The following CDH4 variants were observed in gnomAD, a reference collection of about 807,000 sequenced individuals.
CDH4 encodes cadherin-4.
In CDH4, 33 loss-of-function variants were observed where a neutral mutation model predicts 86.0. The ratio of observed to expected loss-of-function variants is 0.38; its 90% CI spans 0.29 to 0.51. The LOEUF is 0.51. Ranked by LOEUF, CDH4 falls within the 20% of genes least tolerant of loss-of-function variation. The pLI is 0.86. For synonymous variants in CDH4, 555 were observed against 549.4 expected (o/e 1.01, Z -0.14); for missense variants, 1,114 against 1,307.4 (o/e 0.85, Z 2.28).
chr20:61,494,206 C>G (rs1216419708), intron 2 of CDH4, among the ~76,000 whole-genome samples: 1 of 152,334 alleles, frequency 6.6e-6, no homozygotes, highest in East Asian at 1.9e-4. Context: ...TGCTGTTCAT[C>G]CTCAAACTCG....
intron 2 of CDH4, among the ~76,000 whole-genome samples, chr20:61,259,369 A>G (rs1344543936): frequency 1.3e-5 from 2 of 152,186 alleles, no homozygotes; most frequent in Non-Finnish European, 2.9e-5. Flanking sequence ...CTGCATAGAT[A>G]GGCAACTCTT....
chr20:61,298,241 A>G lies in CDH4; in HGVS notation c.169+43304A>G, dbSNP rs556830916. Among the ~76,000 whole-genome samples, 13 of 152,290 alleles carry G rather than the reference A, an allele frequency of 8.5e-5. No individual in the cohort carries two copies. In the East Asian group the frequency reaches 1.5e-3, roughly 18 times the overall value. ...GCACGATGACTCAGTCCTGACCGCT[A>G]TAAGCATCCCGGCCACCAGCTCTGC... On this transcript the variant is annotated intron_variant, in intron 2 of 15. Transcript: ENST00000614565.
At chr20:61,445,470 G>C (rs1341209403) in intron 2 of CDH4, among the ~76,000 whole-genome samples, 1 of 152,234 alleles carries the variant, frequency 6.6e-6, no homozygotes, top group Non-Finnish European at 1.5e-5. Context: ...GGGCATGGGA[G>C]TGCAGATGAT....
chr20:61,785,031 G>A (rs898615735), intron 4 of CDH4, among the ~76,000 whole-genome samples: 7 of 152,192 alleles, frequency 4.6e-5, no homozygotes, highest in Admixed American at 2.0e-4. Flanking sequence ...AGCTGTGGCC[G>A]ACGCTTGGGC....
At chr20:61,853,540 G>A (rs1352920289) in intron 6 of CDH4, among the ~76,000 whole-genome samples, 1 of 152,096 alleles carries the variant, frequency 6.6e-6, no homozygotes. Context: ...TTTCATGTGT[G>A]GGGCCCTAGC....
At chr20:61,354,063 G>T (rs2084731946) in intron 2 of CDH4, among the ~76,000 whole-genome samples, 1 of 152,034 alleles carries the variant, frequency 6.6e-6, no homozygotes, top group South Asian at 2.1e-4. Context: ...TCAACGAGGG[G>T]TGATTTTGCC....
chr20:61,903,178 C>T (rs531694760), intron 8 of CDH4, among the ~76,000 whole-genome samples: 1 of 152,326 alleles, frequency 6.6e-6, no homozygotes, highest in South Asian at 2.1e-4. Context: ...ACTCCCTATG[C>T]CAGGGTACAG....
At chr20:61,304,467 C>T (rs966021850) in intron 2 of CDH4, among the ~76,000 whole-genome samples, 3 of 151,992 alleles carry the variant, frequency 2.0e-5, no homozygotes, top group African/African-American at 4.8e-5. Flanking sequence ...GAGGACAGGA[C>T]GCCTTTGGTC....
At chr20:61,552,880 T>G (rs73611537) in intron 2 of CDH4, among the ~76,000 whole-genome samples, 7,338 of 151,584 alleles carry the variant, frequency 0.048, 326 homozygotes, top group East Asian at 0.23. Flanking sequence ...AAAAAAAACT[T>G]GTCACCTCCT....
chr20:61,358,759 G>A (rs572292540), intron 2 of CDH4, among the ~76,000 whole-genome samples: 1 of 152,168 alleles, frequency 6.6e-6, no homozygotes, highest in African/African-American at 2.4e-5. Context: ...CCCGGCCAGG[G>A]TCTCAGACAG....
intron 2 of CDH4, among the ~76,000 whole-genome samples, chr20:61,466,653 G>A (rs1283550198): frequency 6.6e-6 from 1 of 152,024 alleles, no homozygotes; most frequent in Non-Finnish European, 1.5e-5. Flanking sequence ...AGATCAGCCT[G>A]GGCAACATGG....
At position 61,936,873 on chromosome 20, in the gene CDH4, A is replaced by T. The variant is rs1479042751; in HGVS notation, c.2681A>T (p.Asp894Val). The change falls in exon 16 of 16, where the codon GAT (aspartate) becomes GTT (valine). Residue 894 changes from aspartate (D) to valine (V), a missense_variant. Physicochemically the swap from Asp to Val is radical, Grantham distance 152 (BLOSUM62 -3). Transcript: ENST00000614565. ...NSSSSGDQDYDYLNDWGPRFK... is the reference protein window; with the variant it reads ...NSSSSGDQDYVYLNDWGPRFK... ...TCCAGTTCCGGGGACCAAGACTACG[A>T]TTACCTCAACGACTGGGGGCCCAGA... is the stretch of plus-strand genomic sequence containing the variant. The T allele has an allele frequency of 1.2e-6, 2 of 1,607,488 alleles. No homozygotes were observed. The highest frequency in any genetic ancestry group is 2.2e-5 in the South Asian group (2 of 90,202).
Position 61,918,916 on chromosome 20 carries a change from G to A in CDH4, c.1375-4535G>A, listed in dbSNP as rs144195681. The stretch of plus-strand genomic sequence containing the variant: ...GACGAGGTCTTACTCTGTTGCCCAG[G>A]CTGAAGTGCAGTGGTACGATCACTG... On this transcript the variant is annotated intron_variant, in intron 9 of 15. Transcript: ENST00000614565. Among the ~76,000 whole-genome samples, 71 of 152,306 alleles carry A rather than the reference G, an allele frequency of 4.7e-4. 1 individual carries two copies. The highest frequency in any genetic ancestry group is 1.5e-3 in the African/African-American group (61 of 41,550).
chr20:61,421,916 C>G (rs540356830), intron 2 of CDH4, among the ~76,000 whole-genome samples: 1 of 152,266 alleles, frequency 6.6e-6, no homozygotes, highest in East Asian at 1.9e-4. Context: ...GCAAGGAAAC[C>G]GCAGCCTGGA....
intron 2 of CDH4, among the ~76,000 whole-genome samples, chr20:61,259,743 A>C (rs1158854356): frequency 6.6e-6 from 1 of 152,000 alleles, no homozygotes; most frequent in Non-Finnish European, 1.5e-5. Context: ...TGTTTAATAC[A>C]CCTCTAGACT....
chr20:61,737,481 T>A (rs558006478), intron 2 of CDH4, among the ~76,000 whole-genome samples: 8 of 152,204 alleles, frequency 5.3e-5, no homozygotes, highest in African/African-American at 1.9e-4. Context: ...CCGGCCTGAC[T>A]AGGGCCCTTG....
chr20:61,628,798 G>A (rs181534970), intron 2 of CDH4, among the ~76,000 whole-genome samples: 155 of 152,342 alleles, frequency 1.0e-3, no homozygotes, highest in African/African-American at 3.5e-3. Context: ...ATCCCAGGTC[G>A]TCTCTGGACA....
rs112068322 is a variant in CDH4, at chr20:61,625,721, G to A, written c.170-117842G>A. Among the ~76,000 whole-genome samples the A allele has an allele frequency of 9.2e-3, 1,395 of 152,266 alleles. 19 individuals are homozygous for A. The highest frequency in any genetic ancestry group is 0.032 in the African/African-American group (1,346 of 41,536). On this transcript the variant is annotated intron_variant, in intron 2 of 15. Transcript: ENST00000614565. ...CTCCACACTTCACAAAATTAATGTC[G>A]TAACAGACCCAAGAGTTACCATCAT...
chr20:61,815,629 T>G (rs1980678405), intron 4 of CDH4, among the ~76,000 whole-genome samples: 1 of 152,194 alleles, frequency 6.6e-6, no homozygotes, highest in South Asian at 2.1e-4. Context: ...GCCCGCCTGG[T>G]TGGCATCTGT....
Sources: allele counts gnomAD v4.1 joint callset (sites outside exome capture counted in the v4.1 genomes callset), GRCh38; gene constraint gnomAD v4.1.1; transcripts MANE v1.5; gene names NCBI Gene and HGNC (gene_info 2026-07-23, HGNC 2026-07-21).